Variants in NPEPPS observed in about 807,000 individuals in gnomAD.
NPEPPS encodes the protein puromycin-sensitive aminopeptidase.
In NPEPPS, 14 loss-of-function variants were observed where a neutral mutation model predicts 115.5. The ratio of observed to expected loss-of-function variants is 0.12; its 90% CI spans 0.08 to 0.19. The LOEUF (loss-of-function observed/expected upper bound fraction) is 0.19, where lower values mean the gene tolerates loss of function less well. Among genes scored for constraint, NPEPPS ranks in the 10% least tolerant of loss-of-function variants. NPEPPS has a pLI of 1.00. For missense variants in NPEPPS, 523 were observed against 1,110.8 expected, an observed-to-expected ratio of 0.47 and a Z score of 7.52; for synonymous variants, 285 against 390.6, an observed-to-expected ratio of 0.73 and a Z score of 3.19.
rs759088546 is a variant in NPEPPS at position 47,592,566 on chromosome 17, A to G, written c.1426+21A>G. 6 of 1,572,178 alleles carry G rather than the reference A, an allele frequency of 3.8e-6. No homozygotes were observed. In the African/African-American group the frequency reaches 5.4e-5, roughly 14 times the overall value. On this transcript the variant is annotated intron_variant, in intron 12 of 22. Transcript: ENST00000322157. The stretch of plus-strand genomic sequence containing the variant: ...CACAGGTAATCTCTAATAGCTTGAG[A>G]TAGAAATGGAGAGAAAGTATTGTCA...
intron 2 of NPEPPS, among the ~76,000 whole-genome samples, chr17:47,566,370 A>G (rs931175816): frequency 6.6e-6 from 1 of 150,960 alleles, no homozygotes; most frequent in African/African-American, 2.4e-5. Flanking sequence ...CCTTTCCTTA[A>G]TGACTAATGA....
intron 2 of NPEPPS, among the ~76,000 whole-genome samples, chr17:47,564,812 C>T (rs1910692345): frequency 6.6e-6 from 1 of 151,840 alleles, no homozygotes; most frequent in Non-Finnish European, 1.5e-5. Context: ...CAAATATTAT[C>T]TTCTAAGAGG....
chr17:47,598,284 G>A (rs1912995152), intron 13 of NPEPPS, among the ~76,000 whole-genome samples: 1 of 152,012 alleles, frequency 6.6e-6, no homozygotes, highest in Admixed American at 6.6e-5. Flanking sequence ...ACAAGCCTGG[G>A]CAACATAGTG....
At chr17:47,596,311 TA>T in intron 12 of NPEPPS, 41 bp from the exon 13 acceptor site, 1 of 1,256,110 alleles carries the variant, frequency 8.0e-7, no homozygotes, top group South Asian at 1.5e-5. Context: ...TTTAGGAAAA[TA>T]AAAATATAAA....
chr17:47,572,140 C>T (rs76395650), intron 3 of NPEPPS, among the ~76,000 whole-genome samples: 3 of 152,118 alleles, frequency 2.0e-5, no homozygotes, highest in African/African-American at 4.8e-5. Flanking sequence ...CATGGCCAGG[C>T]GTGGTGACTC....
At chr17:47,557,250 G>A (rs1332128408) in intron 2 of NPEPPS, among the ~76,000 whole-genome samples, 2 of 151,750 alleles carry the variant, frequency 1.3e-5, no homozygotes, top group Non-Finnish European at 2.9e-5. Context: ...GCTAATTTTT[G>A]TATTTTTAGT....
chr17:47,607,741 A>C (rs151053404), intron 17 of NPEPPS, among the ~76,000 whole-genome samples: 1 of 152,344 alleles, frequency 6.6e-6, no homozygotes, highest in East Asian at 1.9e-4. Context: ...TTGGTGAAGG[A>C]TGGACTGTGT....
intron 2 of NPEPPS, among the ~76,000 whole-genome samples, chr17:47,551,142 A>G (rs1239029094): frequency 6.6e-6 from 1 of 152,172 alleles, no homozygotes; most frequent in African/African-American, 2.4e-5. Context: ...AACCTACATT[A>G]TATGGTGGCT....
chr17:47,621,208 G>C (rs1048745328), intron 22 of NPEPPS, among the ~76,000 whole-genome samples: 1 of 151,560 alleles, frequency 6.6e-6, no homozygotes, highest in African/African-American at 2.4e-5. Context: ...AAAGACCATG[G>C]GGTGTTAAAT....
rs561132682 is a variant in NPEPPS, at chr17:47,568,186, C to CA, written c.341-1230dup. On this transcript the variant is annotated intron_variant, in intron 2 of 22. Coordinates refer to ENST00000322157, the MANE Select transcript of NPEPPS (RefSeq NM_006310.4). ...TTTTTTTTTTTTTCTTTTTTTGAGACAGAGTCTCGCTCTGTCGCCCAGGCT... is the reference window on the plus strand; with the variant it reads ...TTTTTTTTTTTTTCTTTTTTTGAGACAAGAGTCTCGCTCTGTCGCCCAGGCT... Among the ~76,000 whole-genome samples, 1,318 of 146,384 alleles carry CA rather than the reference C, an allele frequency of 9.0e-3. 8 individuals carry two copies. The highest frequency in any genetic ancestry group is 0.014 in the Non-Finnish European group (950 of 66,878).
chr17:47,538,017 C>T (rs1376144258), intron 1 of NPEPPS, among the ~76,000 whole-genome samples: 2 of 151,046 alleles, frequency 1.3e-5, no homozygotes, highest in African/African-American at 2.4e-5. Flanking sequence ...CTTCAGCCTC[C>T]CTAGTAGCTG....
At chr17:47,606,694 C>T (rs368579121) in intron 17 of NPEPPS, among the ~76,000 whole-genome samples, 5 of 152,162 alleles carry the variant, frequency 3.3e-5, no homozygotes, top group South Asian at 2.1e-4. Context: ...CTGCCCGTCT[C>T]GGCCGCCCAA....
intron 1 of NPEPPS, among the ~76,000 whole-genome samples, chr17:47,539,828 C>T (rs1462391153): frequency 6.6e-6 from 1 of 152,078 alleles, no homozygotes; most frequent in Non-Finnish European, 1.5e-5. Flanking sequence ...TTCTTCTTGT[C>T]TTTAGCTATT....
chr17:47,541,885 A>G (rs1908794478), intron 1 of NPEPPS, among the ~76,000 whole-genome samples: 1 of 152,210 alleles, frequency 6.6e-6, no homozygotes, highest in Non-Finnish European at 1.5e-5. Flanking sequence ...AAGATTTATG[A>G]GAAGCATTTT....
intron 9 of NPEPPS, among the ~76,000 whole-genome samples, chr17:47,590,208 G>A (rs562003407): frequency 6.6e-6 from 1 of 152,158 alleles, no homozygotes; most frequent in East Asian, 1.9e-4. Flanking sequence ...GTTTGCGGGA[G>A]AAGTTATTTA....
At chr17:47,601,106 A>G (rs538950363) in intron 14 of NPEPPS, among the ~76,000 whole-genome samples, 1 of 152,150 alleles carries the variant, frequency 6.6e-6, no homozygotes, top group Admixed American at 6.5e-5. Context: ...ATGGTGGCAC[A>G]CACCTGTAGT....
chr17:47,529,997 C>A (rs1362570350), upstream of NPEPPS, among the ~76,000 whole-genome samples: 1 of 140,150 alleles, frequency 7.1e-6, no homozygotes. Context: ...AGTGCAGTGG[C>A]GCAATCTCGG....
chr17:47,605,304 A>G, intron 16 of NPEPPS, 29 bp from the exon 17 acceptor site: 1 of 1,500,596 alleles, frequency 6.7e-7, no homozygotes, highest in Non-Finnish European at 9.0e-7. Context: ...TTTGAAGACT[A>G]GGTTAATTTA....
At chr17:47,554,044 CTTTT>C (rs113155660) in intron 2 of NPEPPS, among the ~76,000 whole-genome samples, 1 of 144,714 alleles carries the variant, frequency 6.9e-6, no homozygotes. Context: ...GCCACAGTAT[CTTTT>C]TTTTTTTTTG....
Sources: allele counts gnomAD v4.1 joint callset (sites outside exome capture counted in the v4.1 genomes callset), GRCh38; gene constraint gnomAD v4.1.1; transcripts MANE v1.5; gene names NCBI Gene and HGNC (gene_info 2026-07-23, HGNC 2026-07-21).